Variants in POLN observed in about 807,000 individuals in gnomAD.
POLN encodes the protein DNA polymerase N.
Under a neutral mutation model 113.5 loss-of-function variants are expected in POLN, and 108 were observed. The observed-to-expected ratio is 0.95, with a 90% CI of 0.81 to 1.12. The LOEUF (loss-of-function observed/expected upper bound fraction) is 1.12. POLN is among the 50% of genes most tolerant of loss of function. POLN has a pLI of 0.00. For missense variants in POLN, 1,097 were observed against 1,077.1 expected (o/e 1.02, Z -0.26); for synonymous variants, 386 against 391.5 (o/e 0.99, Z 0.17).
chr4:2,204,678 G>T (rs2108762479), intron 5 of POLN, among the ~76,000 whole-genome samples: 1 of 152,284 alleles, frequency 6.6e-6, no homozygotes, highest in African/African-American at 2.4e-5. Flanking sequence ...GAACATAGAT[G>T]CAAAAGTCCT....
intron 16 of POLN, chr4:2,139,999 C>T (rs1231815188): frequency 6.6e-6 from 1 of 152,170 alleles, no homozygotes; most frequent in Non-Finnish European, 1.5e-5. Flanking sequence ...CAGAATAGAA[C>T]ACTTCCTATT....
rs1428875795 is a variant in POLN, at chr4:2,075,504, G to A, written c.2403C>T (p.Ile801=). 6.2e-7 allele frequency: 1 copy of A among 1,613,352 alleles called. No individual in the cohort carries two copies. The highest frequency in any genetic ancestry group is 2.2e-5 in the East Asian group (1 of 44,900). Residue 801 remains isoleucine, a synonymous_variant, in exon 24 of 26, where the codon ATC becomes ATT. Coordinates refer to ENST00000511885, the MANE Select transcript of POLN (RefSeq NM_181808.4). ...HTLTARLVAQ[I]HDELLFEVED... ...CCACTTCAAACAGCAGCTCATCATGGATCTGGGCCACCAGCCTGGCAGGGA... is the reference window on the plus strand; with the variant it reads ...CCACTTCAAACAGCAGCTCATCATGAATCTGGGCCACCAGCCTGGCAGGGA...
chr4:2,202,433 A>T (rs1032842597), intron 5 of POLN, among the ~76,000 whole-genome samples: 20 of 152,204 alleles, frequency 1.3e-4, no homozygotes, highest in African/African-American at 4.6e-4. Context: ...AACAGCAGTT[A>T]AAAAAGACAA....
At chr4:2,106,922 A>G (rs985354539) in intron 19 of POLN, among the ~76,000 whole-genome samples, 1 of 152,182 alleles carries the variant, frequency 6.6e-6, no homozygotes, top group African/African-American at 2.4e-5. Flanking sequence ...TAGTTACTAA[A>G]AAAACCTTAC....
chr4:2,237,801 T>G lies in POLN; in HGVS notation c.-13+3719A>C, dbSNP rs185062484. Among the ~76,000 whole-genome samples, 66 of 152,316 alleles carry G rather than the reference T, an allele frequency of 4.3e-4. 1 individual carries two copies. In the South Asian group the frequency reaches 4.8e-3, roughly 11 times the overall value. On this transcript the variant is annotated intron_variant, in intron 2 of 25. Coordinates refer to ENST00000511885, the MANE Select transcript of POLN (RefSeq NM_181808.4). ...TAAATAGTTACATAAATAGCTATAATAGTAAACTTTTGCTCAGAATTTTTT... is the reference window on the plus strand; with the variant it reads ...TAAATAGTTACATAAATAGCTATAAGAGTAAACTTTTGCTCAGAATTTTTT...
At chr4:2,177,782 C>G (rs920209542) in intron 8 of POLN, among the ~76,000 whole-genome samples, 7 of 152,220 alleles carry the variant, frequency 4.6e-5, no homozygotes, top group African/African-American at 1.7e-4. Flanking sequence ...GGATACTAAT[C>G]AAGATGCCTG....
intron 7 of POLN, among the ~76,000 whole-genome samples, chr4:2,181,856 T>C (rs28495579): frequency 0.25 from 37,405 of 151,712 alleles, 7,119 homozygotes; most frequent in African/African-American, 0.51. Context: ...AAAAATTAGC[T>C]GGGTGTGGTG....
At chr4:2,078,634 T>C (rs1730333170) in intron 23 of POLN, 7 of 985,332 alleles carry the variant, frequency 7.1e-6, no homozygotes, top group African/African-American at 1.7e-5. Context: ...CCTGCACCCG[T>C]CCCTTCCAGA....
chr4:2,128,075 C>G, intron 19 of POLN, 38 bp downstream of exon 19: 1 of 1,318,192 alleles, frequency 7.6e-7, no homozygotes, highest in Non-Finnish European at 1.1e-6. Flanking sequence ...GTTGGCCTTC[C>G]TGCAGATCTG....
chr4:2,138,243 A>T (rs182690792), intron 16 of POLN, among the ~76,000 whole-genome samples: 1 of 152,318 alleles, frequency 6.6e-6, no homozygotes, highest in Non-Finnish European at 1.5e-5. Context: ...AGTGACAGGA[A>T]ATGGGGTTGG....
chr4:2,172,782 T>C (rs1732895966), intron 11 of POLN, among the ~76,000 whole-genome samples: 2 of 152,120 alleles, frequency 1.3e-5, no homozygotes, highest in African/African-American at 4.8e-5. Flanking sequence ...AGCAACAGCT[T>C]CCCTGTGTCC....
chr4:2,131,117 C>G (rs1731716952), intron 17 of POLN, 116 bp downstream of exon 17: 1 of 691,294 alleles, frequency 1.4e-6, no homozygotes, highest in South Asian at 1.9e-5. Flanking sequence ...CCCAGGAGGT[C>G]AAGGCTGCAG....
At chr4:2,224,982 T>C (rs1734347607) in intron 3 of POLN, among the ~76,000 whole-genome samples, 1 of 152,004 alleles carries the variant, frequency 6.6e-6, no homozygotes. Flanking sequence ...CATTGTGCTA[T>C]GATAACAGTA....
chr4:2,079,805 A>C (rs1730361334), intron 23 of POLN: 1 of 941,330 alleles, frequency 1.1e-6, no homozygotes. Flanking sequence ...GGTTGGTCTC[A>C]AACTCCTGAC....
chr4:2,094,365 A>AAAAAAAAAAAAAAG (rs1311045483), intron 20 of POLN, among the ~76,000 whole-genome samples: 4 of 148,560 alleles, frequency 2.7e-5, no homozygotes, highest in African/African-American at 4.9e-5. Context: ...TCTGTCTCCA[A>AAAAAAAAAAAAAAG]AAAAAAAAAA....
intron 20 of POLN, among the ~76,000 whole-genome samples, chr4:2,091,085 T>C (rs1312503803): frequency 6.6e-6 from 1 of 152,182 alleles, no homozygotes. Context: ...CATTCCTTTC[T>C]TCCAGGTGTC....
At chr4:2,186,532 T>C (rs1271739684) in intron 7 of POLN, among the ~76,000 whole-genome samples, 1 of 152,164 alleles carries the variant, frequency 6.6e-6, no homozygotes, top group Non-Finnish European at 1.5e-5. Flanking sequence ...GAGGCACACC[T>C]GGGCTTAAGG....
At chr4:2,182,392 G>T (rs1046883463) in intron 7 of POLN, among the ~76,000 whole-genome samples, 1 of 152,188 alleles carries the variant, frequency 6.6e-6, no homozygotes, top group Admixed American at 6.5e-5. Context: ...GAGGGAAAAG[G>T]CCACATGAGG....
intron 7 of POLN, among the ~76,000 whole-genome samples, chr4:2,180,059 T>G (rs1169855434): frequency 6.6e-6 from 1 of 152,192 alleles, no homozygotes; most frequent in Non-Finnish European, 1.5e-5. Flanking sequence ...AGACAACTAA[T>G]GTGTGGCGCT....
Sources: allele counts gnomAD v4.1 joint callset (sites outside exome capture counted in the v4.1 genomes callset), GRCh38; gene constraint gnomAD v4.1.1; transcripts MANE v1.5; gene names NCBI Gene and HGNC (gene_info 2026-07-23, HGNC 2026-07-21).